RIMS2: variants seen among roughly 807,000 people sequenced by gnomAD.
The protein encoded by RIMS2 is regulating synaptic membrane exocytosis protein 2.
In RIMS2, 59 loss-of-function variants were observed where a neutral mutation model predicts 174.4. That is an observed-to-expected ratio of 0.34 (90% CI 0.27 to 0.42). The LOEUF is 0.42. RIMS2 is among the 10% of genes least tolerant of loss of function. The pLI, the probability that RIMS2 is intolerant of heterozygous loss-of-function variation, is 1.00. For synonymous variants in RIMS2, 606 were observed against 572.5 expected (o/e 1.06, Z -0.84); for missense variants, 1,620 against 1,666.3 (o/e 0.97, Z 0.48).
intron 3 of RIMS2, among the ~76,000 whole-genome samples, chr8:103,868,778 A>G (rs2099095749): frequency 6.6e-6 from 1 of 152,156 alleles, no homozygotes; most frequent in South Asian, 2.1e-4. Flanking sequence ...ATAATTCATG[A>G]GGAACTTCTG....
intron 4 of RIMS2, among the ~76,000 whole-genome samples, chr8:103,887,309 A>T (rs1049938218): frequency 2.0e-5 from 3 of 151,118 alleles, no homozygotes. Context: ...TTAGGATTTT[A>T]CCCCATTTAA....
chr8:103,750,790 A>T (rs918568016), intron 2 of RIMS2, among the ~76,000 whole-genome samples: 1 of 152,108 alleles, frequency 6.6e-6, no homozygotes, highest in African/African-American at 2.4e-5. Flanking sequence ...CATGATTGTA[A>T]GTTTCCTGAG....
chr8:103,998,184 G>C (rs773196459), intron 17 of RIMS2: 2 of 1,599,232 alleles, frequency 1.3e-6, no homozygotes, highest in South Asian at 2.2e-5. Flanking sequence ...CATGCTTGCA[G>C]TCATTTTCTT....
intron 3 of RIMS2, among the ~76,000 whole-genome samples, chr8:103,840,669 A>ACTATATACGATATACTATATATATC (rs2098934087): frequency 4.6e-5 from 7 of 151,982 alleles, no homozygotes; most frequent in Non-Finnish European, 8.8e-5. Context: ...TTTCCTATAT[A>ACTATATACGATATACTATATATATC]CTATATACGA....
intron 13 of RIMS2, among the ~76,000 whole-genome samples, chr8:103,940,413 A>G (rs1258047783): frequency 1.3e-5 from 2 of 152,128 alleles, no homozygotes; most frequent in African/African-American, 4.8e-5. Context: ...ATTACCTCCC[A>G]CTGGGTCTCT....
intron 19 of RIMS2, among the ~76,000 whole-genome samples, chr8:104,046,404 CT>C (rs767311218): frequency 6.6e-6 from 1 of 152,148 alleles, no homozygotes; most frequent in East Asian, 1.9e-4. Flanking sequence ...AATATTCAGA[CT>C]AGCATGTATT....
chr8:103,557,058 A>C (rs2090621377), intron 1 of RIMS2, among the ~76,000 whole-genome samples: 2 of 152,356 alleles, frequency 1.3e-5, no homozygotes, highest in South Asian at 4.1e-4. Flanking sequence ...GGTTTAGGAA[A>C]TACAAATCAA....
intron 1 of RIMS2, among the ~76,000 whole-genome samples, chr8:103,565,363 G>A (rs143347131): frequency 1.2e-4 from 18 of 151,956 alleles, no homozygotes; most frequent in South Asian, 2.1e-4. Context: ...GGAGTGCAGC[G>A]GTGCCATCTC....
intron 1 of RIMS2, among the ~76,000 whole-genome samples, chr8:103,693,913 G>A (rs967825843): frequency 1.3e-5 from 2 of 152,190 alleles, no homozygotes; most frequent in African/African-American, 4.8e-5. Context: ...GGGCTGGCTA[G>A]GTGTTGGTAT....
At chr8:103,854,845 T>C (rs2099018747) in intron 3 of RIMS2, among the ~76,000 whole-genome samples, 2 of 151,988 alleles carry the variant, frequency 1.3e-5, no homozygotes, top group Admixed American at 6.6e-5. Flanking sequence ...GGTATATATG[T>C]CAGATTTTGG....
At chr8:104,109,873 A>G (rs1346200839) in intron 19 of RIMS2, among the ~76,000 whole-genome samples, 1 of 152,182 alleles carries the variant, frequency 6.6e-6, no homozygotes, top group Non-Finnish European at 1.5e-5. Flanking sequence ...TTTAGTGGTT[A>G]TGGAATTAAA....
chr8:103,905,099 T>C (rs1375799180), intron 4 of RIMS2, among the ~76,000 whole-genome samples: 2 of 152,064 alleles, frequency 1.3e-5, no homozygotes, highest in Non-Finnish European at 2.9e-5. Flanking sequence ...GAAAACCACA[T>C]CAGACAATGT....
chr8:103,895,209 T>C (rs930604783), intron 4 of RIMS2, among the ~76,000 whole-genome samples: 4 of 148,996 alleles, frequency 2.7e-5, no homozygotes, highest in African/African-American at 1.0e-4. Flanking sequence ...ATATTTTTAA[T>C]AGCTGCTTTA....
chr8:103,718,013 A>G (rs183827126), intron 2 of RIMS2, among the ~76,000 whole-genome samples: 1 of 143,264 alleles, frequency 7.0e-6, no homozygotes, highest in East Asian at 1.9e-4. Context: ...AGCAAATTCT[A>G]TGAGTTTTCA....
intron 13 of RIMS2, among the ~76,000 whole-genome samples, chr8:103,937,159 CT>C (rs2081462343): frequency 6.6e-6 from 1 of 151,822 alleles, no homozygotes; most frequent in South Asian, 2.1e-4. Flanking sequence ...TGTAGAATAT[CT>C]GCAAAGGTAG....
At chr8:103,564,824 C>T (rs1372423214) in intron 1 of RIMS2, among the ~76,000 whole-genome samples, 1 of 152,146 alleles carries the variant, frequency 6.6e-6, no homozygotes. Flanking sequence ...TCACAGATAC[C>T]CAGGAACAAT....
chr8:103,920,097 A>G (rs74716076), intron 9 of RIMS2, among the ~76,000 whole-genome samples: 1,684 of 152,222 alleles, frequency 0.011, 40 homozygotes, highest in African/African-American at 0.039. Context: ...AAAAGACCCT[A>G]GACTATAATT....
At chr8:103,778,473 AC>A (rs780542234) in intron 3 of RIMS2, among the ~76,000 whole-genome samples, 5 of 152,078 alleles carry the variant, frequency 3.3e-5, no homozygotes, top group African/African-American at 7.2e-5. Context: ...CATGAGATCC[AC>A]TTTTGTAGTT....
At chr8:104,076,690 A>G (rs150925652) in intron 19 of RIMS2, among the ~76,000 whole-genome samples, 2 of 152,132 alleles carry the variant, frequency 1.3e-5, no homozygotes, top group African/African-American at 4.8e-5. Context: ...CAAACTGCCT[A>G]GATTAAAACC....
Sources: gnomAD v4.1 joint callset for allele counts (sites outside exome capture counted in the v4.1 genomes callset) on GRCh38, gnomAD v4.1.1 for gene constraint, MANE v1.5 for transcripts, NCBI Gene and HGNC (gene_info 2026-07-23, HGNC 2026-07-21) for gene names.